The following ACTN4 variants were observed in gnomAD, a reference collection of about 807,000 sequenced individuals.
ACTN4 encodes alpha-actinin-4.
In ACTN4, 18 loss-of-function variants were observed where a neutral mutation model predicts 114.2. The ratio of observed to expected loss-of-function variants is 0.16; its 90% CI spans 0.11 to 0.23. The LOEUF (loss-of-function observed/expected upper bound fraction) is 0.23, where lower values mean the gene tolerates loss of function less well. Ranked by LOEUF, ACTN4 falls within the 10% of genes least tolerant of loss-of-function variation. The pLI is 1.00. For synonymous variants in ACTN4, 515 were observed against 506.3 expected, an observed-to-expected ratio of 1.02 and a Z score of -0.23; for missense variants, 722 against 1,262.9, an observed-to-expected ratio of 0.57 and a Z score of 6.49.
intron 1 of ACTN4, among the ~76,000 whole-genome samples, chr19:38,658,031 C>G (rs537187057): frequency 6.6e-6 from 1 of 152,286 alleles, no homozygotes; most frequent in South Asian, 2.1e-4. Flanking sequence ...AGAGGCAGTG[C>G]TAATGGTGGA....
intron 1 of ACTN4, among the ~76,000 whole-genome samples, chr19:38,667,040 T>A (rs1333981535): frequency 6.6e-6 from 1 of 152,180 alleles, no homozygotes; most frequent in Non-Finnish European, 1.5e-5. Flanking sequence ...TCTAATTCTT[T>A]AGCTTGTAAT....
Position 38,648,523 on chromosome 19 carries a change from CAG to C in ACTN4, c.162+617_162+618del, listed in dbSNP as rs576326570. 3.9e-3 allele frequency among the ~76,000 whole-genome samples: 592 copies of C among 151,594 alleles called. 4 individuals carry two copies. The highest frequency in any genetic ancestry group is 0.013 in the African/African-American group (556 of 41,268). ...ACTAGGGAGGCTGGGAAGATGAAAACAGGGGCTAAGGGTAGAATTGAGCATGA... is the reference window on the plus strand; with the variant it reads ...ACTAGGGAGGCTGGGAAGATGAAAACGGGCTAAGGGTAGAATTGAGCATGA... On this transcript the variant is annotated intron_variant, in intron 1 of 20. Coordinates refer to ENST00000252699, the MANE Select transcript of ACTN4 (RefSeq NM_004924.6).
chr19:38,691,027 AC>A (rs1210620336), intron 1 of ACTN4, among the ~76,000 whole-genome samples: 1 of 152,008 alleles, frequency 6.6e-6, no homozygotes, highest in Non-Finnish European at 1.5e-5. Context: ...AGCAAACAGA[AC>A]CCTCCTCTGG....
At chr19:38,709,360 C>A in intron 6 of ACTN4, 35 bp from the exon 7 acceptor site, 1 of 1,528,640 alleles carries the variant, frequency 6.5e-7, no homozygotes, top group Non-Finnish European at 9.1e-7. Flanking sequence ...CCTGCCCTGA[C>A]GGAGTTCTTG....
In ACTN4 at chr19:38,731,257, A is replaced by C. The variant is rs1158139483; in HGVS notation, c.*1825A>C. 3 of 1,567,216 alleles carry C rather than the reference A, an allele frequency of 1.9e-6. No homozygotes were observed. The highest frequency in any genetic ancestry group is 2.6e-6 in the Non-Finnish European group (3 of 1,140,758). On this transcript the variant is annotated 3_prime_UTR_variant, in exon 21 of 21. Transcript: ENST00000252699. ...AGGCTGCTTCTGAGCCCAGTGGCCC[A>C]CAGGGAACCCACCTTGGCATTGCAT...
At chr19:38,680,100 AT>A (rs1162663360) in intron 1 of ACTN4, among the ~76,000 whole-genome samples, 9 of 148,356 alleles carry the variant, frequency 6.1e-5, no homozygotes, top group African/African-American at 2.3e-4. Flanking sequence ...TATCGCAGTT[AT>A]TTACTGATGC....
At chr19:38,707,093 T>C (rs1968487358) in intron 5 of ACTN4, among the ~76,000 whole-genome samples, 1 of 152,166 alleles carries the variant, frequency 6.6e-6, no homozygotes, top group African/African-American at 2.4e-5. Context: ...GGCCTCAGGC[T>C]CTCTGGGACC....
rs1369600815 is a variant in ACTN4, at chr19:38,731,016, G to A, written c.*1584G>A. Reference sequence around the variant, plus strand: ...CCTCACCCCCATCCAGGTGCTGGCTGCAGTGGCCTGTGCAGAGAGGGGCAG... The same window carrying A: ...CCTCACCCCCATCCAGGTGCTGGCTACAGTGGCCTGTGCAGAGAGGGGCAG... On this transcript the variant is annotated 3_prime_UTR_variant, in exon 21 of 21. Transcript: ENST00000252699. 3 of 1,553,474 alleles carry A rather than the reference G, an allele frequency of 1.9e-6. No homozygotes were observed. Among genetic ancestry groups the A allele is most frequent in the South Asian group, 1.2e-5 (1 of 84,388 alleles).
chr19:38,672,201 C>T (rs546600125), intron 1 of ACTN4, among the ~76,000 whole-genome samples: 6 of 149,898 alleles, frequency 4.0e-5, no homozygotes, highest in South Asian at 4.2e-4. Flanking sequence ...TCCTGCCAGA[C>T]GTATGGCCCA....
chr19:38,686,318 C>T (rs911186701), intron 1 of ACTN4, among the ~76,000 whole-genome samples: 6 of 152,256 alleles, frequency 3.9e-5, no homozygotes, highest in Admixed American at 6.5e-5. Context: ...CCAGAATTGG[C>T]TTACTTGGCT....
At chr19:38,708,988 G>A (rs1358994482) in intron 6 of ACTN4, among the ~76,000 whole-genome samples, 1 of 152,152 alleles carries the variant, frequency 6.6e-6, no homozygotes, top group Admixed American at 6.5e-5. Flanking sequence ...CTTTAGGGTG[G>A]TTGGGACCTG....
At position 38,701,102 on chromosome 19, in the gene ACTN4, G is replaced by T. The variant is rs1182487734; in HGVS notation, c.378G>T (p.Leu126=). 1 of 1,614,060 alleles carries T rather than the reference G, an allele frequency of 6.2e-7. No individual in the cohort carries two copies. The highest frequency in any genetic ancestry group is 1.1e-5 in the South Asian group (1 of 91,078). The change falls in exon 3 of 21, where the codon CTG becomes CTT. Residue 126 remains leucine, a synonymous_variant. Coordinates refer to ENST00000252699, the MANE Select transcript of ACTN4 (RefSeq NM_004924.6). ...TTATTGCCAGCAAAGGCGTCAAGCT[G>T]GTCTCCATCGGGGCAGAAGGTGAGC... ...LDFIASKGVK[L]VSIGAEEIVD...
chr19:38,724,384 T>C lies in ACTN4; in HGVS notation c.1875+45T>C. The stretch of plus-strand genomic sequence containing the variant: ...AGGGGCTGGGGCAGGACGGCGGGGC[T>C]GGGGGCCACCTCCCTGACCGCTCCC... On this transcript the variant is annotated intron_variant, in intron 15 of 20. Coordinates refer to ENST00000252699, the MANE Select transcript of ACTN4 (RefSeq NM_004924.6). The surrounding 1 kb of genome is among the most constrained non-coding windows in gnomAD (Gnocchi z 7.0). 6.2e-7 allele frequency: 1 copy of C among 1,611,686 alleles called. No individual in the cohort carries two copies. Among genetic ancestry groups the C allele is most frequent in the Non-Finnish European group, 8.5e-7 (1 of 1,179,374 alleles).
chr19:38,680,989 G>C (rs1286887182), intron 1 of ACTN4, among the ~76,000 whole-genome samples: 1 of 151,930 alleles, frequency 6.6e-6, no homozygotes, highest in African/African-American at 2.4e-5. Context: ...AGCTGGATGT[G>C]GTGGTATGTG....
At chr19:38,719,919 G>A (rs1037683830) in intron 11 of ACTN4, among the ~76,000 whole-genome samples, 4 of 152,202 alleles carry the variant, frequency 2.6e-5, no homozygotes, top group Non-Finnish European at 5.9e-5. Flanking sequence ...CTCAGTCTCC[G>A]GCCAGGGCCC....
chr19:38,709,918 A>G (rs1968587027), intron 7 of ACTN4, among the ~76,000 whole-genome samples: 1 of 152,086 alleles, frequency 6.6e-6, no homozygotes, highest in Admixed American at 6.5e-5. Context: ...TCCATTTCCC[A>G]GCCATGCACT....
chr19:38,664,011 T>C (rs1161021464), intron 1 of ACTN4, among the ~76,000 whole-genome samples: 1 of 152,168 alleles, frequency 6.6e-6, no homozygotes, highest in Non-Finnish European at 1.5e-5. Flanking sequence ...CCTCAGGGCG[T>C]GTGGTGCTGC....
intron 6 of ACTN4, among the ~76,000 whole-genome samples, chr19:38,708,678 A>G (rs1206338312): frequency 2.6e-5 from 4 of 152,228 alleles, no homozygotes; most frequent in African/African-American, 9.6e-5. Context: ...ATTGTGTCCA[A>G]AGCAAAGCAC....
intron 4 of ACTN4, 142 bp downstream of exon 4, chr19:38,705,162 G>A (rs1355324633): frequency 1.2e-6 from 1 of 806,300 alleles, no homozygotes; most frequent in South Asian, 1.4e-5. Context: ...GGGGTAGTCA[G>A]TGGGTGGCAG....
Sources: gnomAD v4.1 joint callset for allele counts (sites outside exome capture counted in the v4.1 genomes callset) on GRCh38, gnomAD v4.1.1 for gene constraint, Gnocchi (gnomAD v3.1) non-coding constraint, MANE v1.5 for transcripts, NCBI Gene and HGNC (gene_info 2026-07-23, HGNC 2026-07-21) for gene names.